MROH1: variants seen among roughly 807,000 people sequenced by gnomAD.
MROH1 encodes maestro heat-like repeat-containing protein family member 1.
MROH1 carries 117 observed loss-of-function variants against 116.5 expected under a neutral mutation model. The ratio of observed to expected loss-of-function variants is 1.00; its 90% CI spans 0.86 to 1.17. MROH1 has a LOEUF of 1.17. MROH1 is among the 50% of genes most tolerant of loss of function. The pLI is 0.00. For missense variants in MROH1, 1,873 were observed against 1,338.5 expected, an observed-to-expected ratio of 1.40 and a Z score of -6.23; for synonymous variants, 921 against 583.9, an observed-to-expected ratio of 1.58 and a Z score of -8.32.
chr8:144,174,744 A>G (rs1823402352), intron 4 of MROH1: 2 of 781,338 alleles, frequency 2.6e-6, no homozygotes, highest in Non-Finnish European at 3.1e-6. Context: ...TGGCCTCCCA[A>G]AGTGCTGGGG....
At chr8:144,245,108 C>T (rs1841666041) in intron 28 of MROH1, 48 bp from the exon 29 acceptor site, 4 of 778,196 alleles carry the variant, frequency 5.1e-6, no homozygotes, top group East Asian at 2.4e-5. Context: ...GCTCCTGCCC[C>T]CAGGGCTGCC....
intron 7 of MROH1, among the ~76,000 whole-genome samples, chr8:144,183,707 C>T (rs1826249969): frequency 2.0e-5 from 3 of 151,728 alleles, no homozygotes; most frequent in South Asian, 2.1e-4. Flanking sequence ...AGTGCAGTGG[C>T]GCGATCTCGG....
At chr8:144,252,718 ACACTTTGGGAGGTGGAC>A (rs1440694466) in intron 33 of MROH1, 1 of 150,176 alleles carries the variant, frequency 6.7e-6, no homozygotes, top group African/African-American at 2.5e-5. Flanking sequence ...TATAATCCCG[ACACTTTGGGAGGTGGAC>A]CACCTGAGGT....
intron 7 of MROH1, among the ~76,000 whole-genome samples, chr8:144,186,916 A>T (rs1015657353): frequency 3.3e-5 from 5 of 150,028 alleles, no homozygotes; most frequent in African/African-American, 4.9e-5. Context: ...AACACGGTGA[A>T]ACCCCGTCTC....
chr8:144,235,994 G>T (rs1839976016), intron 14 of MROH1, among the ~76,000 whole-genome samples: 2 of 152,144 alleles, frequency 1.3e-5, no homozygotes, highest in African/African-American at 4.8e-5. Context: ...ATTCTACATG[G>T]AGACCATAAT....
rs1588056344 is a variant in MROH1, at chr8:144,193,033, G to A, written c.948+632G>A. 1.7e-5 allele frequency: 3 copies of A among 181,080 alleles called. No homozygotes were observed. In the East Asian group the frequency reaches 5.2e-4, roughly 32 times the overall value. The allele number at this position is 181,080 out of a possible 1,614,324, so 11.2% of individuals were successfully genotyped here. A position where few individuals can be genotyped will look rare whatever the true frequency, so the allele number is the denominator to read the frequency against. ...GCAAGGAAACTTTCTGAAAAGAAGT[G>A]TGGAGGTGGGTTTACTGCTTGGCTC... On this transcript the variant is annotated intron_variant, in intron 10 of 43. Coordinates refer to ENST00000326134, the MANE Select transcript of MROH1 (RefSeq NM_032450.3).
chr8:144,260,698 G>A lies in MROH1; in HGVS notation c.4402G>A (p.Ala1468Thr). The A allele has an allele frequency of 1.3e-6, 1 of 779,488 alleles. No individual in the cohort carries two copies. Among genetic ancestry groups the A allele is most frequent in the Non-Finnish European group, 2.4e-6 (1 of 417,786 alleles). 48.3% of individuals were successfully genotyped at this position (779,488 alleles called of 1,614,324 possible). ...FDSEKMEFRT[A>T]SIRLFGHLNK... ...CCAGGAGAAGATGGAGTTCCGGACG[G>A]CATCTATCCGCCTCTTTGGGCACCT... is the stretch of plus-strand genomic sequence containing the variant. The change falls in exon 40 of 44, where the codon GCA (alanine) becomes ACA (threonine). Residue 1468 changes from alanine to threonine, a missense_variant. Transcript: ENST00000326134.
At chr8:144,176,987 G>A (rs935913400) in intron 4 of MROH1, among the ~76,000 whole-genome samples, 10 of 152,076 alleles carry the variant, frequency 6.6e-5, no homozygotes, top group South Asian at 2.1e-4. Context: ...TCACTGCGGC[G>A]CCAACACTCA....
At chr8:144,149,169 G>A (rs1816137594) in intron 1 of MROH1, among the ~76,000 whole-genome samples, 1 of 152,144 alleles carries the variant, frequency 6.6e-6, no homozygotes, top group Non-Finnish European at 1.5e-5. Flanking sequence ...GTTGTTTGCG[G>A]CATGTTTCAT....
chr8:144,229,975 A>G (rs1443702237), intron 14 of MROH1, among the ~76,000 whole-genome samples: 1 of 152,090 alleles, frequency 6.6e-6, no homozygotes. Flanking sequence ...CAGAGGCTAC[A>G]GTGAGCTGAG....
At chr8:144,193,630 T>A (rs999503553) in intron 10 of MROH1, among the ~76,000 whole-genome samples, 3 of 152,174 alleles carry the variant, frequency 2.0e-5, no homozygotes, top group African/African-American at 7.2e-5. Context: ...TATTTTGAGA[T>A]GGAGTTTCGC....
At position 144,261,679 on chromosome 8, in the gene MROH1, C is replaced by A; in HGVS notation, c.4865C>A (p.Pro1622Gln). The A allele has an allele frequency of 1.4e-6, 1 of 726,796 alleles. No homozygotes were observed. Among genetic ancestry groups the A allele is most frequent in the Non-Finnish European group, 2.5e-6 (1 of 399,460 alleles). The allele number at this position is 726,796 out of a possible 1,614,324, so 45.0% of individuals were successfully genotyped here. Reference protein sequence around the residue: ...IAALQILLKDPAPEVRTRAAE... With the variant: ...IAALQILLKDQAPEVRTRAAE... ...GCGCTCCAGATCCTGCTGAAGGACC[C>A]GGCCCCCGAGGTGCGGACGAGGGCT... The change falls in exon 44 of 44, where the codon CCG becomes CAG. Residue 1622 changes from proline to glutamine, a missense_variant. By Grantham distance (76) the Pro-to-Gln change is moderately conservative. Coordinates refer to ENST00000326134, the MANE Select transcript of MROH1 (RefSeq NM_032450.3).
At position 144,260,490 on chromosome 8, in the gene MROH1, T is replaced by C. The variant is rs973059978; in HGVS notation, c.4380+116T>C. On this transcript the variant is annotated intron_variant, in intron 39 of 43. Transcript: ENST00000326134. The stretch of plus-strand genomic sequence containing the variant: ...GTCTCCCACCTCGGCTAGGTGACCG[T>C]GGAGAGCGCGGACCTGCAGGGCTGC... The C allele has an allele frequency of 2.6e-5, 18 of 699,634 alleles. No homozygotes were observed. The East Asian group carries it at 2.9e-4, about 11-fold the overall frequency. The allele number at this position is 699,634 out of a possible 1,614,324, so 43.3% of individuals were successfully genotyped here. A position where few individuals can be genotyped will look rare whatever the true frequency, so the allele number is the denominator to read the frequency against.
intron 1 of MROH1, among the ~76,000 whole-genome samples, chr8:144,156,179 G>T: frequency 6.6e-6 from 1 of 150,746 alleles, no homozygotes; most frequent in Non-Finnish European, 1.5e-5. Context: ...GGAGGTTGTG[G>T]TGAGCCGAGA....
At chr8:144,210,911 G>C (rs897671724) in intron 12 of MROH1, among the ~76,000 whole-genome samples, 11 of 151,974 alleles carry the variant, frequency 7.2e-5, no homozygotes, top group Admixed American at 1.3e-4. Flanking sequence ...TCATTGTCAG[G>C]CAACTGTCAC....
rs558531079 is a variant in MROH1 at position 144,191,702 on chromosome 8, T to C, written c.715-13T>C. The C allele has an allele frequency of 5.0e-6, 8 of 1,611,868 alleles. No individual in the cohort carries two copies. In the South Asian group the frequency reaches 5.5e-5, roughly 11 times the overall value. The stretch of plus-strand genomic sequence containing the variant: ...TGAGCAGCGTAAGCTTCCCGCCCAC[T>C]GTCCCCTCTCAGCTCCGTCTTGCCG... On this transcript the variant is annotated splice_polypyrimidine_tract_variant and intron_variant, in intron 8 of 43. Transcript: ENST00000326134.
At chr8:144,159,148 A>G (rs1447671840) in intron 1 of MROH1, among the ~76,000 whole-genome samples, 3 of 152,172 alleles carry the variant, frequency 2.0e-5, no homozygotes, top group Non-Finnish European at 4.4e-5. Flanking sequence ...ACCTGAGGTC[A>G]GGAGTTCGAG....
chr8:144,154,570 C>T (rs901915036), intron 1 of MROH1, among the ~76,000 whole-genome samples: 17 of 152,110 alleles, frequency 1.1e-4, no homozygotes, highest in African/African-American at 3.9e-4. Context: ...ACTGCCTGAG[C>T]TCACTGCAGT....
chr8:144,243,456 C>T (rs1275020323), intron 24 of MROH1, 38 bp from the exon 25 acceptor site: 19 of 776,278 alleles, frequency 2.4e-5, no homozygotes, highest in Admixed American at 8.5e-5. Flanking sequence ...CCCTGGAGGG[C>T]GGGCGTGGGC....
Sources: gnomAD v4.1 joint callset for allele counts (sites outside exome capture counted in the v4.1 genomes callset) on GRCh38, gnomAD v4.1.1 for gene constraint, MANE v1.5 for transcripts, NCBI Gene and HGNC (gene_info 2026-07-23, HGNC 2026-07-21) for gene names.